The following GBE1 variants were observed in gnomAD, a reference collection of about 807,000 sequenced individuals.
GBE1 encodes the protein 1,4-alpha-glucan-branching enzyme.
In GBE1, 70 loss-of-function variants were observed where a neutral mutation model predicts 88.8. The ratio of observed to expected loss-of-function variants is 0.79; its 90% CI spans 0.65 to 0.96. The LOEUF is 0.96. Among genes scored for constraint, GBE1 ranks in the 40% least tolerant of loss-of-function variants. The pLI is 0.00. For missense variants in GBE1, 872 were observed against 871.0 expected (o/e 1.00, Z -0.01); for synonymous variants, 284 against 300.1 (o/e 0.95, Z 0.56).
At chr3:81,707,727 G>T (rs1473607685) in intron 1 of GBE1, among the ~76,000 whole-genome samples, 37 of 151,950 alleles carry the variant, frequency 2.4e-4, no homozygotes. Context: ...TCTTAGATGA[G>T]CATTTAAGAA....
intron 14 of GBE1, among the ~76,000 whole-genome samples, chr3:81,530,478 T>A (rs1702997553): frequency 6.6e-6 from 1 of 151,900 alleles, no homozygotes; most frequent in South Asian, 2.1e-4. Context: ...TTGGGAAGGT[T>A]TTCTAAGTAT....
At chr3:81,585,833 G>A (rs1703795874) in intron 10 of GBE1, among the ~76,000 whole-genome samples, 1 of 152,116 alleles carries the variant, frequency 6.6e-6, no homozygotes, top group South Asian at 2.1e-4. Context: ...CATTGATAAT[G>A]CAAAATTCCA....
intron 13 of GBE1, among the ~76,000 whole-genome samples, chr3:81,536,143 A>G (rs552719104): frequency 6.6e-6 from 1 of 152,140 alleles, no homozygotes; most frequent in East Asian, 1.9e-4. Context: ...CATTACTAAT[A>G]AACGTGATTA....
At chr3:81,520,716 A>G (rs1293375067) in intron 14 of GBE1, among the ~76,000 whole-genome samples, 2 of 151,650 alleles carry the variant, frequency 1.3e-5, no homozygotes, top group African/African-American at 4.8e-5. Context: ...CTATTTATTA[A>G]GTACATGTAG....
At chr3:81,505,059 A>AT (rs1417118136) in intron 14 of GBE1, among the ~76,000 whole-genome samples, 5 of 152,218 alleles carry the variant, frequency 3.3e-5, no homozygotes, top group African/African-American at 1.2e-4. Context: ...AAGATGAATT[A>AT]TTTTATATAT....
At chr3:81,514,511 G>C (rs1702768367) in intron 14 of GBE1, among the ~76,000 whole-genome samples, 1 of 151,500 alleles carries the variant, frequency 6.6e-6, no homozygotes, top group Non-Finnish European at 1.5e-5. Flanking sequence ...TAGGCCAACA[G>C]AAACTACATT....
At position 81,490,239 on chromosome 3, in the gene GBE1, T is replaced by C. The variant is rs1702419034; in HGVS notation, c.*168A>G. On this transcript the variant is annotated 3_prime_UTR_variant, in exon 16 of 16. Transcript: ENST00000429644. ...TTTTAAACATATTCTCCCATCTACT[T>C]AAATAAAAGTTTGCTGTATTTGCAT... 1 of 606,378 alleles carries C rather than the reference T, an allele frequency of 1.6e-6. No individual in the cohort carries two copies. Among genetic ancestry groups the C allele is most frequent in the Admixed American group, 3.2e-5 (1 of 30,776 alleles). 37.6% of individuals were successfully genotyped at this position (606,378 alleles called of 1,614,324 possible). A position where few individuals can be genotyped will look rare whatever the true frequency, so the allele number is the denominator to read the frequency against.
At chr3:81,655,473 A>G (rs1704920494) in intron 3 of GBE1, among the ~76,000 whole-genome samples, 2 of 152,208 alleles carry the variant, frequency 1.3e-5, no homozygotes, top group Admixed American at 1.3e-4. Context: ...CAATTCTACC[A>G]ATGACCTGAA....
chr3:81,700,318 G>A (rs182301355), intron 2 of GBE1, among the ~76,000 whole-genome samples: 80 of 152,090 alleles, frequency 5.3e-4, no homozygotes, highest in African/African-American at 1.9e-3. Context: ...AAAAATGATC[G>A]CTAATTTTCG....
At chr3:81,546,793 T>C (rs372451893) in intron 12 of GBE1, among the ~76,000 whole-genome samples, 2 of 151,582 alleles carry the variant, frequency 1.3e-5, no homozygotes, top group South Asian at 4.1e-4. Context: ...GCTCTGTCTA[T>C]GGAGTAGCTA....
intron 1 of GBE1, among the ~76,000 whole-genome samples, chr3:81,753,711 T>C (rs1481756933): frequency 2.0e-5 from 3 of 152,116 alleles, no homozygotes; most frequent in African/African-American, 4.8e-5. Flanking sequence ...ACCATCACTG[T>C]AGAGAATTCA....
chr3:81,500,809 CAT>C (rs1236311274), intron 14 of GBE1, among the ~76,000 whole-genome samples: 1 of 152,164 alleles, frequency 6.6e-6, no homozygotes, highest in Non-Finnish European at 1.5e-5. Flanking sequence ...AAAGAACGTA[CAT>C]GTTTTTACTA....
At chr3:81,599,531 G>T (rs1303621044) in intron 7 of GBE1, among the ~76,000 whole-genome samples, 1 of 152,160 alleles carries the variant, frequency 6.6e-6, no homozygotes, top group Admixed American at 6.6e-5. Flanking sequence ...CTACAAACCT[G>T]TATAGCATGT....
chr3:81,499,270 A>G (rs1702555269), intron 14 of GBE1, 43 bp from the exon 15 acceptor site: 1 of 1,156,456 alleles, frequency 8.6e-7, no homozygotes, highest in South Asian at 1.3e-5. Context: ...GAGTTGAATG[A>G]GACATTGTAA....
At chr3:81,597,385 T>TGA (rs1156769605) in intron 7 of GBE1, among the ~76,000 whole-genome samples, 1 of 150,568 alleles carries the variant, frequency 6.6e-6, no homozygotes, top group African/African-American at 2.4e-5. Flanking sequence ...TTCTGAACAA[T>TGA]TGGAGGAGCT....
chr3:81,645,274 A>G (rs1704747199), intron 6 of GBE1, among the ~76,000 whole-genome samples: 1 of 152,168 alleles, frequency 6.6e-6, no homozygotes, highest in Non-Finnish European at 1.5e-5. Context: ...AGTAAAGATG[A>G]TGAGGAAAGA....
chr3:81,571,438 A>G (rs948388771), intron 12 of GBE1, among the ~76,000 whole-genome samples: 5 of 152,326 alleles, frequency 3.3e-5, no homozygotes, highest in African/African-American at 1.2e-4. Context: ...ACTGAGCTAC[A>G]TTACAGAAGT....
At chr3:81,504,059 T>G (rs1044494185) in intron 14 of GBE1, among the ~76,000 whole-genome samples, 10 of 152,122 alleles carry the variant, frequency 6.6e-5, no homozygotes, top group Non-Finnish European at 5.9e-5. Context: ...AGCTCTCATG[T>G]GAGTGAGAAG....
chr3:81,755,785 C>G (rs1036340135), intron 1 of GBE1, among the ~76,000 whole-genome samples: 1 of 151,856 alleles, frequency 6.6e-6, no homozygotes, highest in Non-Finnish European at 1.5e-5. Context: ...CTCAGGAAGA[C>G]AGAAAGTAGA....
Sources: allele counts gnomAD v4.1 joint callset (sites outside exome capture counted in the v4.1 genomes callset), GRCh38; gene constraint gnomAD v4.1.1; transcripts MANE v1.5; gene names NCBI Gene and HGNC (gene_info 2026-07-23, HGNC 2026-07-21).